PBX4: variants seen among roughly 807,000 people sequenced by gnomAD.
PBX4 encodes PBX homeobox 4.
Under a neutral mutation model 35.1 loss-of-function variants are expected in PBX4, and 26 were observed. The observed-to-expected ratio is 0.74, with a 90% CI of 0.54 to 1.03. PBX4 has a LOEUF of 1.03. Ranked by LOEUF, PBX4 falls within the 50% of genes least tolerant of loss-of-function variation. The pLI, the probability that PBX4 is intolerant of heterozygous loss-of-function variation, is 0.00. For synonymous variants in PBX4, 199 were observed against 204.2 expected (o/e 0.97, Z 0.22); for missense variants, 448 against 504.3 (o/e 0.89, Z 1.07).
intron 2 of PBX4, among the ~76,000 whole-genome samples, chr19:19,584,110 C>T (rs140088120): frequency 0.012 from 1,821 of 151,950 alleles, 45 homozygotes; most frequent in African/African-American, 0.042. Flanking sequence ...TAGTGGTGCA[C>T]ACCTGTAATC....
At chr19:19,603,299 T>TTTTTTTTC (rs1208260919) in intron 1 of PBX4, among the ~76,000 whole-genome samples, 2 of 150,808 alleles carry the variant, frequency 1.3e-5, no homozygotes, top group African/African-American at 4.9e-5. Flanking sequence ...GTCAAAGGGG[T>TTTTTTTTC]TTTTTTTCTT....
intron 5 of PBX4, among the ~76,000 whole-genome samples, chr19:19,568,990 T>G (rs1164587631): frequency 6.6e-6 from 1 of 152,204 alleles, no homozygotes; most frequent in East Asian, 1.9e-4. Flanking sequence ...AGTCCCACAT[T>G]TGTAATGCAG....
At chr19:19,612,736 G>A (rs1381045336) in intron 1 of PBX4, among the ~76,000 whole-genome samples, 1 of 152,104 alleles carries the variant, frequency 6.6e-6, no homozygotes, top group Non-Finnish European at 1.5e-5. Context: ...TAAAAGCCCC[G>A]GGGGTCATCC....
At chr19:19,583,316 C>G (rs889341483) in intron 2 of PBX4, among the ~76,000 whole-genome samples, 1 of 149,136 alleles carries the variant, frequency 6.7e-6, no homozygotes, top group African/African-American at 2.5e-5. Context: ...CAAAACAAAA[C>G]AAAGATGCAG....
At chr19:19,564,268 T>C (rs890534137) in intron 6 of PBX4, among the ~76,000 whole-genome samples, 1 of 150,662 alleles carries the variant, frequency 6.6e-6, no homozygotes, top group African/African-American at 2.4e-5. Flanking sequence ...TTGCGATAGT[T>C]TACTGAGAAT....
At chr19:19,564,254 G>T (rs1181276007) in intron 6 of PBX4, among the ~76,000 whole-genome samples, 5 of 147,922 alleles carry the variant, frequency 3.4e-5, no homozygotes, top group Non-Finnish European at 6.0e-5. Flanking sequence ...TTGGTTTTTT[G>T]TTCTTGCGAT....
intron 1 of PBX4, among the ~76,000 whole-genome samples, chr19:19,602,477 G>C (rs1481117772): frequency 6.6e-6 from 1 of 152,088 alleles, no homozygotes; most frequent in Admixed American, 6.6e-5. Flanking sequence ...TTTTGAGACA[G>C]GGTCTTACTC....
chr19:19,571,032 G>C (rs2061379697), intron 2 of PBX4, among the ~76,000 whole-genome samples, 199 bp from the exon 3 acceptor site: 1 of 152,240 alleles, frequency 6.6e-6, no homozygotes, highest in Non-Finnish European at 1.5e-5. Context: ...GCCATCCTTA[G>C]AGCGCAGTCT....
chr19:19,566,805 G>T (rs997209106), intron 5 of PBX4, among the ~76,000 whole-genome samples: 1 of 151,524 alleles, frequency 6.6e-6, no homozygotes, highest in African/African-American at 2.4e-5. Context: ...CCGCCTCCCT[G>T]GTTCAAATGA....
At chr19:19,587,999 G>C (rs2061501631) in intron 2 of PBX4, 2 of 526,606 alleles carry the variant, frequency 3.8e-6, no homozygotes, top group African/African-American at 3.9e-5. Flanking sequence ...TCTGGGCTCT[G>C]CTCCCTTTCT....
chr19:19,596,911 CAAAA>C (rs57080281), intron 2 of PBX4, among the ~76,000 whole-genome samples: 3 of 96,838 alleles, frequency 3.1e-5, no homozygotes, highest in Admixed American at 1.1e-4. Context: ...ACCCTGTCTC[CAAAA>C]AAAAAAAAAA....
At chr19:19,566,700 C>CTT (rs34778928) in intron 5 of PBX4, among the ~76,000 whole-genome samples, 2 of 97,940 alleles carry the variant, frequency 2.0e-5, no homozygotes, top group Non-Finnish European at 3.9e-5. Flanking sequence ...AATTTTTGTA[C>CTT]TTTTTTTTTT....
chr19:19,605,767 C>A (rs2061627257), intron 1 of PBX4, among the ~76,000 whole-genome samples: 2 of 151,386 alleles, frequency 1.3e-5, no homozygotes, highest in South Asian at 4.2e-4. Context: ...TTGTTTCTGG[C>A]CTGGAAACTT....
At chr19:19,569,859 G>C (rs2061369489) in intron 4 of PBX4, among the ~76,000 whole-genome samples, 1 of 152,054 alleles carries the variant, frequency 6.6e-6, no homozygotes, top group Non-Finnish European at 1.5e-5. Context: ...GTGGTGAGTG[G>C]AGATCGCACC....
chr19:19,584,981 C>G (rs1262411836), intron 2 of PBX4, among the ~76,000 whole-genome samples: 2 of 152,086 alleles, frequency 1.3e-5, no homozygotes, highest in Admixed American at 1.3e-4. Flanking sequence ...CTCCTTAACT[C>G]TAAACAAGGA....
chr19:19,608,273 G>C (rs916891169), intron 1 of PBX4: 4 of 152,018 alleles, frequency 2.6e-5, no homozygotes, highest in African/African-American at 9.7e-5. Context: ...AGAATCGCTT[G>C]AGCCTGGGAG....
At position 19,604,613 on chromosome 19, in the gene PBX4, A is replaced by AAT. The variant is rs2061618540; in HGVS notation, c.120-5249_120-5248insAT. On this transcript the variant is annotated intron_variant, in intron 1 of 7. Coordinates refer to ENST00000251203, the MANE Select transcript of PBX4 (RefSeq NM_025245.3). ...TAGTCTTTCTTTATTTTTAATTTTTATTTTTGAGATGGAGTCTCGCTCTGT... is the reference window on the plus strand; with the variant it reads ...TAGTCTTTCTTTATTTTTAATTTTTAATTTTTTGAGATGGAGTCTCGCTCTGT... 1.7e-4 allele frequency among the ~76,000 whole-genome samples: 26 copies of AAT among 152,010 alleles called. No homozygotes were observed. In the South Asian group the frequency reaches 5.4e-3, roughly 32 times the overall value.
At chr19:19,566,379 G>A (rs1320053301) in intron 5 of PBX4, among the ~76,000 whole-genome samples, 2 of 152,194 alleles carry the variant, frequency 1.3e-5, no homozygotes, top group Non-Finnish European at 2.9e-5. Context: ...ATTCACATGG[G>A]TGAGCACCCC....
In PBX4 at chr19:19,561,816, G is replaced by A. The variant is rs983949889; in HGVS notation, c.*209C>T. ...AAAATTACTGTCAAAAAAACGAACTGAAGTGGGAGAATGAGTGGCGTTTCA... is the reference window on the plus strand; with the variant it reads ...AAAATTACTGTCAAAAAAACGAACTAAAGTGGGAGAATGAGTGGCGTTTCA... On this transcript the variant is annotated 3_prime_UTR_variant, in exon 8 of 8. Transcript: ENST00000251203. 4 of 473,746 alleles carry A rather than the reference G, an allele frequency of 8.4e-6. No homozygotes were observed. Among genetic ancestry groups the A allele is most frequent in the Non-Finnish European group, 1.5e-5 (4 of 267,024 alleles). The allele number at this position is 473,746 out of a possible 1,614,324, so 29.3% of individuals were successfully genotyped here.
Sources: allele counts gnomAD v4.1 joint callset (sites outside exome capture counted in the v4.1 genomes callset), GRCh38; gene constraint gnomAD v4.1.1; transcripts MANE v1.5; gene names NCBI Gene and HGNC (gene_info 2026-07-23, HGNC 2026-07-21).